Variants in SLIT2 observed in about 807,000 individuals in gnomAD.
The protein encoded by SLIT2 is slit homolog 2 protein.
SLIT2 carries 41 observed loss-of-function variants against 185.7 expected under a neutral mutation model. The observed-to-expected ratio is 0.22, with a 90% CI of 0.17 to 0.29. SLIT2 has a LOEUF of 0.29. SLIT2 is among the 10% of genes least tolerant of loss of function. SLIT2 has a pLI of 1.00. For missense variants in SLIT2, 1,571 were observed against 1,909.0 expected, an observed-to-expected ratio of 0.82 and a Z score of 3.30; for synonymous variants, 693 against 680.2, an observed-to-expected ratio of 1.02 and a Z score of -0.29.
At chr4:20,495,248 A>G (rs771402594) in intron 9 of SLIT2, among the ~76,000 whole-genome samples, 11 of 152,326 alleles carry the variant, frequency 7.2e-5, no homozygotes, top group Non-Finnish European at 1.3e-4. Flanking sequence ...GTTGCTCTGT[A>G]ATGGACAAAT....
intron 4 of SLIT2, among the ~76,000 whole-genome samples, chr4:20,269,311 A>C (rs1713361870): frequency 6.6e-6 from 1 of 151,814 alleles, no homozygotes; most frequent in African/African-American, 2.4e-5. Flanking sequence ...TATTAGTCCG[A>C]AATATTATTA....
At chr4:20,385,508 G>A (rs1470807094) in intron 4 of SLIT2, among the ~76,000 whole-genome samples, 1 of 152,106 alleles carries the variant, frequency 6.6e-6, no homozygotes, top group African/African-American at 2.4e-5. Context: ...CATGTTAAAG[G>A]AAAGGCAGTG....
rs1560454722 is a variant in SLIT2 at position 20,472,514 on chromosome 4, AGATATATATC to A, written c.467+4692_467+4701del. Among the ~76,000 whole-genome samples, 73 of 29,076 alleles carry A rather than the reference AGATATATATC, an allele frequency of 2.5e-3. 2 individuals carry two copies. Among genetic ancestry groups the A allele is most frequent in the East Asian group, 8.2e-3 (3 of 364 alleles). 19.1% of individuals were successfully genotyped at this position (29,076 alleles called of 152,430 possible). On this transcript the variant is annotated intron_variant, in intron 5 of 36. Coordinates refer to ENST00000504154, the MANE Select transcript of SLIT2 (RefSeq NM_004787.4). ...TATAGATATATATCTATATATAGATAGATATATATCTATATATAGATATATCTATATCTAT... is the reference window on the plus strand; with the variant it reads ...TATAGATATATATCTATATATAGATATATATATAGATATATCTATATCTAT...
At chr4:20,611,617 T>C (rs1318092626) in intron 34 of SLIT2, among the ~76,000 whole-genome samples, 1 of 152,222 alleles carries the variant, frequency 6.6e-6, no homozygotes, top group Non-Finnish European at 1.5e-5. Context: ...TCTTCCATTC[T>C]TGCCAGCACT....
rs958324474 is a variant in SLIT2, at chr4:20,596,674, T to C, written c.3561+19T>C. On this transcript the variant is annotated intron_variant, in intron 32 of 36. Transcript: ENST00000504154. ...ACTTCAGGTAAGAGATCTCTCTCTA[T>C]GGAGAGATGATCGGATCTTAAAATT... 1.2e-6 allele frequency: 2 copies of C among 1,600,338 alleles called. No homozygotes were observed. Among genetic ancestry groups the C allele is most frequent in the Non-Finnish European group, 1.7e-6 (2 of 1,174,408 alleles).
intron 29 of SLIT2, among the ~76,000 whole-genome samples, chr4:20,583,534 G>A (rs1202456375): frequency 6.6e-6 from 1 of 152,086 alleles, no homozygotes; most frequent in East Asian, 1.9e-4. Context: ...GGTTCAGGCC[G>A]GGCACAGTGG....
intron 5 of SLIT2, among the ~76,000 whole-genome samples, chr4:20,474,520 T>A (rs1467604035): frequency 6.6e-6 from 1 of 152,112 alleles, no homozygotes; most frequent in Non-Finnish European, 1.5e-5. Context: ...TCTTCATAAA[T>A]GCCTTCTAGA....
intron 4 of SLIT2, among the ~76,000 whole-genome samples, chr4:20,275,121 G>A (rs1183864433): frequency 6.6e-6 from 1 of 152,122 alleles, no homozygotes; most frequent in Non-Finnish European, 1.5e-5. Context: ...TTTGGGGACT[G>A]AAATTTACAT....
intron 4 of SLIT2, among the ~76,000 whole-genome samples, chr4:20,345,541 TTTC>T (rs1454039013): frequency 2.1e-5 from 3 of 142,910 alleles, no homozygotes; most frequent in Non-Finnish European, 3.0e-5. Context: ...TTTTTTCTTT[TTTC>T]TTTTTTTTTG....
intron 4 of SLIT2, among the ~76,000 whole-genome samples, chr4:20,307,128 C>T (rs1225883622): frequency 1.5e-5 from 1 of 64,524 alleles, no homozygotes; most frequent in Non-Finnish European, 2.9e-5. Flanking sequence ...CTTCCCTTCC[C>T]TCCCTTCCTC....
chr4:20,347,873 T>C (rs1721552386), intron 4 of SLIT2, among the ~76,000 whole-genome samples: 1 of 152,228 alleles, frequency 6.6e-6, no homozygotes, highest in African/African-American at 2.4e-5. Flanking sequence ...TTATGCTGTG[T>C]ATAATGAGCT....
At chr4:20,457,030 A>G (rs1713151643) in intron 4 of SLIT2, among the ~76,000 whole-genome samples, 1 of 152,146 alleles carries the variant, frequency 6.6e-6, no homozygotes, top group Non-Finnish European at 1.5e-5. Context: ...AAAGTATTAG[A>G]TGACATTTTC....
At chr4:20,320,980 G>A (rs781080346) in intron 4 of SLIT2, among the ~76,000 whole-genome samples, 3 of 152,068 alleles carry the variant, frequency 2.0e-5, no homozygotes, top group East Asian at 1.9e-4. Context: ...CCTGGCCAAC[G>A]TGGTGAAATC....
chr4:20,511,599 T>TTTTTTTTTTTTA lies in SLIT2; in HGVS notation c.1058+466_1058+467insTTTTTTTATTTT, dbSNP rs1370895657. Among the ~76,000 whole-genome samples, 483 of 142,186 alleles carry TTTTTTTTTTTTA rather than the reference T, an allele frequency of 3.4e-3. 5 individuals are homozygous for TTTTTTTTTTTTA. In the East Asian group the frequency reaches 0.038, roughly 11 times the overall value. The allele number at this position is 142,186 out of a possible 152,430, so 93.3% of individuals were successfully genotyped here. On this transcript the variant is annotated intron_variant, in intron 11 of 36. Coordinates refer to ENST00000504154, the MANE Select transcript of SLIT2 (RefSeq NM_004787.4). ...CCACATCCAGCTAATTTTTTTTTTT[T>TTTTTTTTTTTTA]TTTTATTTTTGGTAGAGATGGAATT...
At chr4:20,488,330 TTC>T (rs1237646156) in intron 7 of SLIT2, among the ~76,000 whole-genome samples, 7 of 152,234 alleles carry the variant, frequency 4.6e-5, no homozygotes, top group African/African-American at 1.7e-4. Context: ...TGAATTATTA[TTC>T]TGTCTTGTTC....
rs1560252946 is a variant in SLIT2 at position 20,251,996 on chromosome 4, A to AGCGGCGGC, written c.-1819_-1818insCGGCGGCG. Among the ~76,000 whole-genome samples the AGCGGCGGC allele has an allele frequency of 1.3e-5, 2 of 151,110 alleles. No homozygotes were observed. The highest frequency in any genetic ancestry group is 4.2e-4 in the South Asian group (2 of 4,782). On this transcript the variant is annotated 5_prime_UTR_variant, in exon 1 of 37. Coordinates refer to ENST00000504154, the MANE Select transcript of SLIT2 (RefSeq NM_004787.4). ...CCGCAGACTGTGGTTAAAAAAAAGAAGGCGGCGGCGGCGGCGGCGGCGGAG... is the reference window on the plus strand; with the variant it reads ...CCGCAGACTGTGGTTAAAAAAAAGAAGCGGCGGCGGCGGCGGCGGCGGCGGCGGCGGAG...
chr4:20,397,925 T>C (rs1726041346), intron 4 of SLIT2, among the ~76,000 whole-genome samples: 1 of 151,782 alleles, frequency 6.6e-6, no homozygotes, highest in African/African-American at 2.4e-5. Flanking sequence ...ATACCCATGG[T>C]GTGCAGTGCC....
intron 9 of SLIT2, among the ~76,000 whole-genome samples, chr4:20,509,644 C>A (rs1373133620): frequency 6.6e-6 from 1 of 152,044 alleles, no homozygotes; most frequent in Non-Finnish European, 1.5e-5. Flanking sequence ...ATGATCATAA[C>A]GATGTTTGTT....
chr4:20,260,180 C>G (rs1470757192), intron 3 of SLIT2, among the ~76,000 whole-genome samples: 2 of 151,764 alleles, frequency 1.3e-5, no homozygotes, highest in African/African-American at 4.8e-5. Context: ...AATCAAACTG[C>G]TATGGCCTGT....
Sources: gnomAD v4.1 joint callset for allele counts (sites outside exome capture counted in the v4.1 genomes callset) on GRCh38, gnomAD v4.1.1 for gene constraint, MANE v1.5 for transcripts, NCBI Gene and HGNC (gene_info 2026-07-23, HGNC 2026-07-21) for gene names.